Variants in RBFOX1 observed in about 807,000 individuals in gnomAD.
The protein encoded by RBFOX1 is RNA binding protein fox-1 homolog 1.
In RBFOX1, 8 loss-of-function variants were observed where a neutral mutation model predicts 57.7. That is an observed-to-expected ratio of 0.14 (90% confidence interval 0.08 to 0.25). The LOEUF (loss-of-function observed/expected upper bound fraction) is 0.25, where lower values mean the gene tolerates loss of function less well. Ranked by LOEUF, RBFOX1 falls within the 10% of genes least tolerant of loss-of-function variation. The pLI is 1.00. For missense variants in RBFOX1, 611 were observed against 548.5 expected, an observed-to-expected ratio of 1.11 and a Z score of -1.14; for synonymous variants, 326 against 222.4, an observed-to-expected ratio of 1.47 and a Z score of -4.15.
chr16:7,531,891 C>T (rs990922634), intron 5 of RBFOX1, among the ~76,000 whole-genome samples: 6 of 152,092 alleles, frequency 3.9e-5, no homozygotes, highest in Admixed American at 2.6e-4. Context: ...CACATCCTTC[C>T]CATCCCTAAC....
chr16:6,984,119 C>G lies in RBFOX1; in HGVS notation c.-15-67938C>G, dbSNP rs1044941753. On this transcript the variant is annotated intron_variant, in intron 3 of 15. Coordinates refer to ENST00000550418, the MANE Select transcript of RBFOX1 (RefSeq NM_018723.4). ...GAAATTAGCCGAGTATGATGGCAGG[C>G]GCTTGTAATCTCAGCAACTTGGGAG... Among the ~76,000 whole-genome samples, 11 of 152,216 alleles carry G rather than the reference C, an allele frequency of 7.2e-5. No individual in the cohort carries two copies. In the East Asian group the frequency reaches 1.9e-3, roughly 27 times the overall value.
intron 3 of RBFOX1, among the ~76,000 whole-genome samples, chr16:6,969,735 C>T (rs998503275): frequency 7.2e-5 from 11 of 151,962 alleles, no homozygotes; most frequent in Non-Finnish European, 1.3e-4. Context: ...CAGAGCCAGA[C>T]CCTGTCTCAA....
At chr16:7,343,874 C>T (rs760383844) in intron 4 of RBFOX1, among the ~76,000 whole-genome samples, 1 of 152,080 alleles carries the variant, frequency 6.6e-6, no homozygotes, top group African/African-American at 2.4e-5. Context: ...TTAAAGGAAC[C>T]AAATCATGTA....
chr16:5,679,637 A>G (rs553410031), intron 3 of RBFOX1, among the ~76,000 whole-genome samples: 3 of 152,252 alleles, frequency 2.0e-5, no homozygotes, highest in Non-Finnish European at 4.4e-5. Context: ...GTTTGCTGAG[A>G]ATGATTGACC....
intron 11 of RBFOX1, among the ~76,000 whole-genome samples, chr16:7,651,120 C>G (rs1246534071): frequency 1.3e-5 from 2 of 152,226 alleles, no homozygotes; most frequent in East Asian, 3.9e-4. Context: ...AATAGAAAGA[C>G]GGAATCATTC....
At chr16:5,598,542 A>G (rs1443093171) in intron 2 of RBFOX1, among the ~76,000 whole-genome samples, 1 of 152,202 alleles carries the variant, frequency 6.6e-6, no homozygotes, top group East Asian at 1.9e-4. Context: ...TTATTTTTAT[A>G]TATTATTAAA....
At chr16:6,632,659 C>G (rs1180459250) in intron 2 of RBFOX1, among the ~76,000 whole-genome samples, 2 of 152,156 alleles carry the variant, frequency 1.3e-5, no homozygotes, top group Non-Finnish European at 2.9e-5. Context: ...TGACACTGGG[C>G]CTGACTGATA....
At chr16:6,769,458 A>G (rs1285649053) in intron 3 of RBFOX1, among the ~76,000 whole-genome samples, 2 of 152,238 alleles carry the variant, frequency 1.3e-5, no homozygotes, top group East Asian at 1.9e-4. Flanking sequence ...CCACTGCAAC[A>G]TTCTTTTTAG....
At chr16:6,915,472 C>T (rs771003103) in intron 3 of RBFOX1, among the ~76,000 whole-genome samples, 50 of 152,014 alleles carry the variant, frequency 3.3e-4, no homozygotes, top group Non-Finnish European at 6.3e-4. Context: ...ATTCCTTAAA[C>T]AAATGACTTC....
chr16:5,381,268 A>G (rs183716787), intron 1 of RBFOX1, among the ~76,000 whole-genome samples: 30 of 152,344 alleles, frequency 2.0e-4, no homozygotes, highest in African/African-American at 5.5e-4. Flanking sequence ...ATCCATGCAT[A>G]TTATGCCGAG....
intron 1 of RBFOX1, among the ~76,000 whole-genome samples, chr16:6,109,194 C>T (rs537980544): frequency 6.6e-6 from 1 of 152,124 alleles, no homozygotes; most frequent in African/African-American, 2.4e-5. Context: ...GAGCTCATTG[C>T]CCCCTTTCCC....
At chr16:5,705,809 T>A (rs1416442959) in intron 3 of RBFOX1, among the ~76,000 whole-genome samples, 2 of 152,226 alleles carry the variant, frequency 1.3e-5, no homozygotes, top group Non-Finnish European at 2.9e-5. Context: ...GCCTCTTGGC[T>A]TTGCTTATTA....
At chr16:7,525,531 C>T (rs1252332694) in intron 5 of RBFOX1, among the ~76,000 whole-genome samples, 2 of 152,160 alleles carry the variant, frequency 1.3e-5, no homozygotes, top group South Asian at 2.1e-4. Flanking sequence ...TTTGCACCCT[C>T]ATGGACAGAA....
At chr16:5,861,284 C>G (rs1168968182) in intron 3 of RBFOX1, among the ~76,000 whole-genome samples, 3 of 152,180 alleles carry the variant, frequency 2.0e-5, no homozygotes, top group Non-Finnish European at 4.4e-5. Context: ...GCTTACACCC[C>G]CGTGCCACAC....
chr16:6,954,474 A>G (rs575349001), intron 3 of RBFOX1, among the ~76,000 whole-genome samples: 63 of 152,312 alleles, frequency 4.1e-4, no homozygotes, highest in African/African-American at 1.1e-3. Context: ...AACTCAGTTT[A>G]AAACGTAATT....
chr16:7,218,015 C>CGT (rs956591030), intron 4 of RBFOX1, among the ~76,000 whole-genome samples: 4 of 149,456 alleles, frequency 2.7e-5, no homozygotes, highest in Admixed American at 2.0e-4. Context: ...TGTGTTTGTA[C>CGT]GTGTGTGGGG....
At chr16:5,466,790 C>T (rs1028655881) in intron 1 of RBFOX1, among the ~76,000 whole-genome samples, 1 of 152,160 alleles carries the variant, frequency 6.6e-6, no homozygotes, top group Non-Finnish European at 1.5e-5. Flanking sequence ...GGAGTGTGAC[C>T]TGCCATCCCT....
At chr16:5,695,962 A>G (rs890649986) in intron 3 of RBFOX1, among the ~76,000 whole-genome samples, 2 of 152,208 alleles carry the variant, frequency 1.3e-5, no homozygotes, top group Admixed American at 6.5e-5. Context: ...CCTAAATCCA[A>G]TCAACCTTCT....
intron 4 of RBFOX1, among the ~76,000 whole-genome samples, chr16:7,491,572 C>G (rs961027795): frequency 6.6e-6 from 1 of 151,710 alleles, no homozygotes; most frequent in Non-Finnish European, 1.5e-5. Flanking sequence ...TGAATTAGTT[C>G]TGTCTCTCTC....
Sources: gnomAD v4.1 joint callset for allele counts (sites outside exome capture counted in the v4.1 genomes callset) on GRCh38, gnomAD v4.1.1 for gene constraint, MANE v1.5 for transcripts, NCBI Gene and HGNC (gene_info 2026-07-23, HGNC 2026-07-21) for gene names.